Variants in FMNL2 observed in about 807,000 individuals in gnomAD.
FMNL2 encodes formin-like protein 2.
Under a neutral mutation model 130.2 loss-of-function variants are expected in FMNL2, and 51 were observed. That is an observed-to-expected ratio of 0.39 (90% confidence interval 0.31 to 0.49). FMNL2 has a LOEUF of 0.49. FMNL2 is among the 20% of genes least tolerant of loss of function. The probability of loss-of-function intolerance (pLI) is 0.85; values close to 1 mark genes in which losing one functional copy is unlikely to be tolerated. For missense variants in FMNL2, 977 were observed against 1,316.2 expected (o/e 0.74, Z 3.99); for synonymous variants, 465 against 467.1 (o/e 1.00, Z 0.06).
intron 1 of FMNL2, among the ~76,000 whole-genome samples, chr2:152,487,370 G>A (rs896403012): frequency 2.0e-5 from 3 of 152,160 alleles, no homozygotes; most frequent in Admixed American, 2.0e-4. Flanking sequence ...CATAGGTAGG[G>A]AACTTAGGTG....
At chr2:152,539,152 G>A (rs557333061) in intron 2 of FMNL2, 1 of 152,080 alleles carries the variant, frequency 6.6e-6, no homozygotes, top group Non-Finnish European at 1.5e-5. Context: ...GTTGCACTGT[G>A]TAGAAATGTT....
At chr2:152,564,019 C>A (rs1250575293) in intron 6 of FMNL2, among the ~76,000 whole-genome samples, 4 of 152,140 alleles carry the variant, frequency 2.6e-5, no homozygotes, top group African/African-American at 9.7e-5. Flanking sequence ...AATATGATAA[C>A]CTTGTGGCTT....
At chr2:152,600,086 T>C (rs894489007) in intron 9 of FMNL2, among the ~76,000 whole-genome samples, 2 of 152,224 alleles carry the variant, frequency 1.3e-5, no homozygotes, top group African/African-American at 4.8e-5. Context: ...TGGTAAAAGA[T>C]GGTTTTCACC....
chr2:152,455,182 C>G (rs1170530320), intron 1 of FMNL2, among the ~76,000 whole-genome samples: 1 of 151,958 alleles, frequency 6.6e-6, no homozygotes, highest in Non-Finnish European at 1.5e-5. Flanking sequence ...AGGGGAACAC[C>G]AGCACCAGAA....
At chr2:152,503,938 T>C (rs2043859503) in intron 1 of FMNL2, among the ~76,000 whole-genome samples, 1 of 152,162 alleles carries the variant, frequency 6.6e-6, no homozygotes, top group Admixed American at 6.5e-5. Flanking sequence ...GCTTGTAACC[T>C]CTGCGCTTTG....
At chr2:152,609,317 C>T (rs940470068) in intron 10 of FMNL2, among the ~76,000 whole-genome samples, 1 of 152,188 alleles carries the variant, frequency 6.6e-6, no homozygotes, top group African/African-American at 2.4e-5. Context: ...ATCATTTAGA[C>T]CTGTTTTCCG....
chr2:152,597,584 A>C (rs1432131479), intron 9 of FMNL2, among the ~76,000 whole-genome samples: 1 of 152,194 alleles, frequency 6.6e-6, no homozygotes, highest in Admixed American at 6.5e-5. Flanking sequence ...TACTGGTATA[A>C]TTTGGTGCAC....
intron 1 of FMNL2, among the ~76,000 whole-genome samples, chr2:152,358,082 T>C (rs1021403538): frequency 2.0e-5 from 3 of 152,192 alleles, no homozygotes; most frequent in Non-Finnish European, 2.9e-5. Context: ...GCTGATTCAC[T>C]GAGTCTGCTG....
intron 25 of FMNL2, among the ~76,000 whole-genome samples, chr2:152,646,178 A>G (rs924035892): frequency 2.0e-5 from 3 of 151,578 alleles, no homozygotes; most frequent in African/African-American, 4.8e-5. Flanking sequence ...AAACAAACAA[A>G]CAAAGTTAGC....
intron 1 of FMNL2, among the ~76,000 whole-genome samples, chr2:152,501,833 G>A (rs1032397655): frequency 5.3e-5 from 8 of 152,070 alleles, no homozygotes; most frequent in Non-Finnish European, 8.8e-5. Flanking sequence ...AACCCCCTGC[G>A]ATTTACATAT....
intron 1 of FMNL2, among the ~76,000 whole-genome samples, chr2:152,437,134 G>A (rs1023547469): frequency 1.3e-5 from 2 of 152,060 alleles, no homozygotes; most frequent in African/African-American, 4.8e-5. Flanking sequence ...ATTCATAAGG[G>A]CTTTACCCAT....
At chr2:152,457,265 A>G (rs1418282097) in intron 1 of FMNL2, among the ~76,000 whole-genome samples, 3 of 152,254 alleles carry the variant, frequency 2.0e-5, no homozygotes, top group African/African-American at 7.2e-5. Flanking sequence ...CTAGCAAAAT[A>G]AAGATGAATA....
At chr2:152,529,840 G>C (rs1336046820) in intron 2 of FMNL2, among the ~76,000 whole-genome samples, 1 of 152,126 alleles carries the variant, frequency 6.6e-6, no homozygotes, top group African/African-American at 2.4e-5. Context: ...ATCCTTTTTG[G>C]TGGCTTGATA....
At chr2:152,525,877 A>G (rs892639469) in intron 2 of FMNL2, among the ~76,000 whole-genome samples, 2 of 152,166 alleles carry the variant, frequency 1.3e-5, no homozygotes, top group Non-Finnish European at 2.9e-5. Context: ...CTTTTTCAAC[A>G]CAGCTGACCC....
In FMNL2 at chr2:152,647,936, G is replaced by A; in HGVS notation, c.*31G>A. On this transcript the variant is annotated 3_prime_UTR_variant, in exon 26 of 26. Transcript: ENST00000288670. ...AGACTGGCCTGCATGAATACAGGGT[G>A]TGCGTGAATGAAACTGCCCACATGA... is the stretch of plus-strand genomic sequence containing the variant. 1.3e-6 allele frequency: 2 copies of A among 1,538,864 alleles called. No homozygotes were observed. Among genetic ancestry groups the A allele is most frequent in the Non-Finnish European group, 1.8e-6 (2 of 1,127,276 alleles).
At chr2:152,465,307 A>G (rs1178275494) in intron 1 of FMNL2, among the ~76,000 whole-genome samples, 2 of 152,210 alleles carry the variant, frequency 1.3e-5, no homozygotes, top group African/African-American at 2.4e-5. Flanking sequence ...TCAGACCTCA[A>G]TTCAGTGCTA....
chr2:152,463,283 A>T (rs1689350343), intron 1 of FMNL2, among the ~76,000 whole-genome samples: 2 of 152,146 alleles, frequency 1.3e-5, no homozygotes, highest in Admixed American at 1.3e-4. Context: ...AGCCATTTTC[A>T]TATGTTAGAC....
At chr2:152,500,457 A>G (rs1691751364) in intron 1 of FMNL2, among the ~76,000 whole-genome samples, 1 of 152,176 alleles carries the variant, frequency 6.6e-6, no homozygotes, top group Non-Finnish European at 1.5e-5. Context: ...TTTTCTTAGA[A>G]GCACCTGAGA....
At chr2:152,435,340 G>T (rs1185250729) in intron 1 of FMNL2, among the ~76,000 whole-genome samples, 1 of 152,054 alleles carries the variant, frequency 6.6e-6, no homozygotes, top group East Asian at 1.9e-4. Flanking sequence ...AGGGCAAATG[G>T]GACAGATTAT....
Sources: gnomAD v4.1 joint callset for allele counts (sites outside exome capture counted in the v4.1 genomes callset) on GRCh38, gnomAD v4.1.1 for gene constraint, MANE v1.5 for transcripts, NCBI Gene and HGNC (gene_info 2026-07-23, HGNC 2026-07-21) for gene names.